Variants in RPAP3 observed in about 807,000 individuals in gnomAD.
The protein encoded by RPAP3 is RNA polymerase II-associated protein 3.
Under a neutral mutation model 88.8 loss-of-function variants are expected in RPAP3, and 58 were observed. That is an observed-to-expected ratio of 0.65 (90% CI 0.53 to 0.81). The LOEUF is 0.81. Among genes scored for constraint, RPAP3 ranks in the 40% least tolerant of loss-of-function variants. RPAP3 has a pLI of 0.00. For missense variants in RPAP3, 751 were observed against 764.3 expected, an observed-to-expected ratio of 0.98 and a Z score of 0.20; for synonymous variants, 255 against 259.9, an observed-to-expected ratio of 0.98 and a Z score of 0.18.
At position 47,679,509 on chromosome 12, in the gene RPAP3, G is replaced by A. The variant is rs749599471; in HGVS notation, c.1271C>T (p.Pro424Leu). The A allele has an allele frequency of 1.8e-5, 29 of 1,598,346 alleles. No homozygotes were observed. The highest frequency in any genetic ancestry group is 1.7e-4 in the Middle Eastern group (1 of 6,022). ...QNVVKPIDNPPHPGSTKPLKK... is the reference protein window; with the variant it reads ...QNVVKPIDNPLHPGSTKPLKK... ...TTTACTTACAGTTGATCCAGGATGC[G>A]GTGGATTATCAATGGGTTTTACCAC... The change falls in exon 12 of 17, where the codon CCG (proline) becomes CTG (leucine). Residue 424 changes from proline to leucine, a missense_variant. Physicochemically the swap from Pro to Leu is moderately conservative, Grantham distance 98. Coordinates refer to ENST00000005386, the MANE Select transcript of RPAP3 (RefSeq NM_024604.3).
intron 5 of RPAP3, among the ~76,000 whole-genome samples, chr12:47,695,659 TATC>T (rs1274451693): frequency 1.3e-5 from 2 of 152,186 alleles, no homozygotes; most frequent in African/African-American, 2.4e-5. Flanking sequence ...TAGAGATTAA[TATC>T]ATGAGTTTCA....
rs946425596 is a variant in RPAP3 at position 47,666,742 on chromosome 12, G to C, written c.1912+238C>G. On this transcript the variant is annotated intron_variant, in intron 16 of 16. Transcript: ENST00000005386. ...ACCTGTTTCCTCCTCTGTAAAAGGA[G>C]AGTGAAAACAGTACCTACACTTCAT... 7.9e-5 allele frequency among the ~76,000 whole-genome samples: 12 copies of C among 152,260 alleles called. No individual in the cohort carries two copies. In the East Asian group the frequency reaches 9.6e-4, roughly 12 times the overall value.
intron 12 of RPAP3, among the ~76,000 whole-genome samples, chr12:47,673,033 T>C (rs1939032666): frequency 6.6e-6 from 1 of 152,152 alleles, no homozygotes; most frequent in South Asian, 2.1e-4. Flanking sequence ...TTTAATTAAA[T>C]AATCACTTTT....
At chr12:47,702,638 T>C in intron 2 of RPAP3, 50 bp downstream of exon 2, 2 of 1,406,720 alleles carry the variant, frequency 1.4e-6, no homozygotes, top group Non-Finnish European at 1.9e-6. Context: ...TTATGCTTTA[T>C]TTTTATAAAA....
chr12:47,692,887 T>C (rs543281237), intron 5 of RPAP3, among the ~76,000 whole-genome samples: 1 of 152,288 alleles, frequency 6.6e-6, no homozygotes, highest in South Asian at 2.1e-4. Flanking sequence ...GTTTGTTTGT[T>C]TGTTTGCTTT....
chr12:47,669,616 T>C (rs1468099785), intron 13 of RPAP3, among the ~76,000 whole-genome samples: 1 of 152,084 alleles, frequency 6.6e-6, no homozygotes, highest in Non-Finnish European at 1.5e-5. Flanking sequence ...ATGAGTAAGG[T>C]TTCCATACCT....
At chr12:47,703,843 G>T (rs1291981545) in intron 1 of RPAP3, among the ~76,000 whole-genome samples, 1 of 152,204 alleles carries the variant, frequency 6.6e-6, no homozygotes, top group Non-Finnish European at 1.5e-5. Context: ...CTTGATGACT[G>T]ACTAGACTGA....
chr12:47,665,099 T>G (rs1938843231), intron 16 of RPAP3, among the ~76,000 whole-genome samples: 1 of 151,526 alleles, frequency 6.6e-6, no homozygotes. Context: ...TAATTTTTTT[T>G]TTTTTTTTTT....
rs1938966430 is a variant in RPAP3 at position 47,670,196 on chromosome 12, A to ATTC, written c.1434_1436dup (p.Lys478dup). Reference sequence around the variant, plus strand: ...TGGGAAAAAGGTCATCTTGGCTTGAATTCTTCTTACTTGTGGTGCCTGTGG... The same window carrying ATTC: ...TGGGAAAAAGGTCATCTTGGCTTGAATTCTTCTTCTTACTTGTGGTGCCTGTGG... On this transcript the variant is annotated inframe_insertion, in exon 13 of 17. Transcript: ENST00000005386. 2.5e-6 allele frequency: 4 copies of ATTC among 1,613,858 alleles called. No individual in the cohort carries two copies. The highest frequency in any genetic ancestry group is 3.4e-6 in the Non-Finnish European group (4 of 1,179,936).
At position 47,696,366 on chromosome 12, in the gene RPAP3, G is replaced by A. The variant is rs1939526716; in HGVS notation, c.455C>T (p.Ala152Val). Reference protein sequence around the residue: ...KYFKQGKYDEAIDCYTKGMDA... With the variant: ...KYFKQGKYDEVIDCYTKGMDA... ...CATGCCTTTTGTGTAGCAGTCAATT[G>A]CTTCATCATATTTTCCTTGTTTGAA... The change falls in exon 5 of 17, where the codon GCA becomes GTA. Residue 152 changes from alanine (A) to valine (V), a missense_variant. By Grantham distance (64) the Ala-to-Val change is moderately conservative. Transcript: ENST00000005386. 6.3e-7 allele frequency: 1 copy of A among 1,594,438 alleles called. No individual in the cohort carries two copies. Among genetic ancestry groups the A allele is most frequent in the East Asian group, 2.3e-5 (1 of 44,094 alleles).
chr12:47,695,093 TAGAA>T (rs1293812661), intron 5 of RPAP3, among the ~76,000 whole-genome samples: 1 of 147,398 alleles, frequency 6.8e-6, no homozygotes, highest in East Asian at 2.0e-4. Context: ...AGGTGGGCAA[TAGAA>T]AGAAAGAGGG....
intron 5 of RPAP3, among the ~76,000 whole-genome samples, chr12:47,694,155 G>A (rs1939478544): frequency 6.6e-6 from 1 of 152,182 alleles, no homozygotes; most frequent in Non-Finnish European, 1.5e-5. Flanking sequence ...AGGAGAATAT[G>A]CAGTACACTA....
chr12:47,667,972 A>T, intron 14 of RPAP3, 121 bp from the exon 15 acceptor site: 1 of 592,252 alleles, frequency 1.7e-6, no homozygotes, highest in Non-Finnish European at 2.9e-6. Flanking sequence ...AGGTGGGAGG[A>T]TCACCTGAGG....
intron 12 of RPAP3, among the ~76,000 whole-genome samples, chr12:47,672,207 T>A (rs927190015): frequency 3.3e-5 from 5 of 152,144 alleles, no homozygotes; most frequent in Admixed American, 1.3e-4. Flanking sequence ...ACATCTCTGC[T>A]CTCCTACCCT....
chr12:47,684,319 T>C (rs1357524558), intron 9 of RPAP3, among the ~76,000 whole-genome samples: 3 of 152,218 alleles, frequency 2.0e-5, no homozygotes, highest in African/African-American at 7.2e-5. Context: ...AATTTCTTCT[T>C]ACTCCCTACT....
chr12:47,684,203 T>C (rs1939279936), intron 9 of RPAP3, among the ~76,000 whole-genome samples: 1 of 152,172 alleles, frequency 6.6e-6, no homozygotes, highest in Admixed American at 6.6e-5. Flanking sequence ...CACTCCATTA[T>C]TGTAACTCAA....
intron 9 of RPAP3, 107 bp downstream of exon 9, chr12:47,686,673 C>T: frequency 1.2e-6 from 1 of 801,512 alleles, no homozygotes; most frequent in South Asian, 2.7e-5. Flanking sequence ...GGCATGTGAG[C>T]TAACCTAACA....
intron 12 of RPAP3, among the ~76,000 whole-genome samples, chr12:47,674,297 A>G (rs1939064248): frequency 6.6e-6 from 1 of 152,180 alleles, no homozygotes; most frequent in African/African-American, 2.4e-5. Context: ...GGGAGAAACC[A>G]GAGCAAAAAA....
chr12:47,689,280 C>T, intron 6 of RPAP3, 85 bp from the exon 7 acceptor site: 1 of 593,202 alleles, frequency 1.7e-6, no homozygotes, highest in South Asian at 2.1e-5. Flanking sequence ...TTGCCTGTGA[C>T]AATCAGGCAA....
Sources: gnomAD v4.1 joint callset for allele counts (sites outside exome capture counted in the v4.1 genomes callset) on GRCh38, gnomAD v4.1.1 for gene constraint, MANE v1.5 for transcripts, NCBI Gene and HGNC (gene_info 2026-07-23, HGNC 2026-07-21) for gene names.